The following COL4A2 variants were observed in gnomAD, a reference collection of about 807,000 sequenced individuals.
COL4A2 encodes the protein collagen alpha-2(IV) chain.
A neutral mutation model predicts 200.2 loss-of-function variants in COL4A2; 99 were observed. That is an observed-to-expected ratio of 0.49 (90% CI 0.42 to 0.58). The LOEUF (loss-of-function observed/expected upper bound fraction) is 0.58, where lower values mean the gene tolerates loss of function less well. Among genes scored for constraint, COL4A2 ranks in the 20% least tolerant of loss-of-function variants. The pLI, the probability that COL4A2 is intolerant of heterozygous loss-of-function variation, is 0.00. For synonymous variants in COL4A2, 897 were observed against 900.6 expected (o/e 1.00, Z 0.07); for missense variants, 1,950 against 2,314.1 (o/e 0.84, Z 3.23).
rs904388114 is a variant in COL4A2 at position 110,450,515 on chromosome 13, G to T, written c.1339+61G>T. On this transcript the variant is annotated intron_variant, in intron 20 of 47. Coordinates refer to ENST00000360467, the MANE Select transcript of COL4A2 (RefSeq NM_001846.4). ...AATGTTCAGATGAAGCCCGGTCCCA[G>T]CCGGATGTTATTTGGGATTCTCTGC... The T allele has an allele frequency of 3.4e-5, 54 of 1,584,316 alleles. No homozygotes were observed. The Admixed American group carries it at 9.3e-4, about 27-fold the overall frequency.
chr13:110,442,313 A>T (rs1241515942), intron 16 of COL4A2, among the ~76,000 whole-genome samples: 1 of 152,224 alleles, frequency 6.6e-6, no homozygotes, highest in Non-Finnish European at 1.5e-5. Context: ...TAAGTGGGTT[A>T]CAGGGAGGCA....
intron 4 of COL4A2, among the ~76,000 whole-genome samples, chr13:110,413,477 G>A (rs1488864931): frequency 6.6e-6 from 1 of 152,210 alleles, no homozygotes; most frequent in East Asian, 1.9e-4. Flanking sequence ...TGCCCCCAGA[G>A]AGCCCATGCT....
At position 110,421,753 on chromosome 13, in the gene COL4A2, C is replaced by T. The variant is rs577830545; in HGVS notation, c.181-2981C>T. Among the ~76,000 whole-genome samples, 3 of 152,298 alleles carry T rather than the reference C, an allele frequency of 2.0e-5. No homozygotes were observed. The South Asian group carries it at 6.2e-4, about 32-fold the overall frequency. The stretch of plus-strand genomic sequence containing the variant: ...CTTCAGTAAAAAGAAAAGTTTACAG[C>T]ATACTCCAGGAAAGGAAAGACTAGA... On this transcript the variant is annotated intron_variant, in intron 4 of 47. Coordinates refer to ENST00000360467, the MANE Select transcript of COL4A2 (RefSeq NM_001846.4).
At chr13:110,483,776 G>C (rs560317054) in intron 32 of COL4A2, among the ~76,000 whole-genome samples, 1 of 148,830 alleles carries the variant, frequency 6.7e-6, no homozygotes, top group African/African-American at 2.6e-5. Context: ...GAGAATTAGG[G>C]CATGGCTGCC....
chr13:110,485,364 A>G (rs1475942183), intron 33 of COL4A2, among the ~76,000 whole-genome samples: 1 of 152,066 alleles, frequency 6.6e-6, no homozygotes, highest in East Asian at 1.9e-4. Context: ...TCTACTAAAA[A>G]TACAAAAAAA....
At chr13:110,322,236 C>T (rs570439899) in intron 3 of COL4A2, among the ~76,000 whole-genome samples, 3 of 152,296 alleles carry the variant, frequency 2.0e-5, no homozygotes, top group South Asian at 2.1e-4. Context: ...GCCTGTCTCT[C>T]GGAGGCGGCC....
intron 39 of COL4A2, among the ~76,000 whole-genome samples, chr13:110,494,049 A>T (rs1883372977): frequency 7.1e-6 from 1 of 141,306 alleles, no homozygotes; most frequent in Non-Finnish European, 1.6e-5. Flanking sequence ...AGTCCATAGC[A>T]AGGTGAACCA....
intron 40 of COL4A2, among the ~76,000 whole-genome samples, chr13:110,495,905 C>G (rs140066251): frequency 1.3e-4 from 20 of 152,310 alleles, no homozygotes; most frequent in Middle Eastern, 3.4e-3. Context: ...TGCTCACCAG[C>G]CAAGGTGGGC....
At chr13:110,463,464 A>G (rs1882114093) in intron 24 of COL4A2, among the ~76,000 whole-genome samples, 1 of 152,110 alleles carries the variant, frequency 6.6e-6, no homozygotes, top group Non-Finnish European at 1.5e-5. Context: ...TGAAGTCATA[A>G]TCCTCTTTCT....
At chr13:110,350,796 CT>C (rs1428973687) in intron 3 of COL4A2, among the ~76,000 whole-genome samples, 15 of 152,220 alleles carry the variant, frequency 9.9e-5, no homozygotes. Context: ...CAGGGTGATG[CT>C]GATGGGCCCT....
intron 3 of COL4A2, among the ~76,000 whole-genome samples, chr13:110,334,484 T>C (rs1466592483): frequency 6.6e-6 from 1 of 152,214 alleles, no homozygotes; most frequent in Non-Finnish European, 1.5e-5. Flanking sequence ...TTCATGCTCA[T>C]TTCTACTAAA....
In COL4A2 at chr13:110,335,482, C is replaced by A. The variant is rs140063652; in HGVS notation, c.100-21990C>A. ...CTCTCTTGTCTGCCACCATGTAAGA[C>A]GTGCCTTTTGCCTTCTGCCATGATT... On this transcript the variant is annotated intron_variant, in intron 3 of 47. Coordinates refer to ENST00000360467, the MANE Select transcript of COL4A2 (RefSeq NM_001846.4). 1.7e-3 allele frequency among the ~76,000 whole-genome samples: 265 copies of A among 152,266 alleles called. 1 individual carries two copies. The highest frequency in any genetic ancestry group is 8.1e-3 in the East Asian group (42 of 5,170).
intron 4 of COL4A2, among the ~76,000 whole-genome samples, chr13:110,408,073 C>T (rs923209398): frequency 6.6e-6 from 1 of 152,178 alleles, no homozygotes; most frequent in Non-Finnish European, 1.5e-5. Context: ...AAGTATCCCA[C>T]CTCATGAGTT....
In COL4A2 at chr13:110,485,806, T is replaced by C. The variant is rs757220045; in HGVS notation, c.3177T>C (p.Ile1059=). Residue 1059 remains isoleucine, a synonymous_variant, in exon 34 of 48, where the codon ATT becomes ATC. Transcript: ENST00000360467. ...CTGGGGTGGCTGGCCCCCCTGGAAT[T>C]ACGGGATTCCCAGGATTCATAGGAA... The part of the protein sequence containing the change: ...GFPGVAGPPG[I]TGFPGFIGSR... The C allele has an allele frequency of 3.7e-6, 6 of 1,613,734 alleles. No individual in the cohort carries two copies. The highest frequency in any genetic ancestry group is 1.7e-5 in the Admixed American group (1 of 59,990).
chr13:110,343,287 G>A (rs917642968), intron 3 of COL4A2, among the ~76,000 whole-genome samples: 8 of 152,248 alleles, frequency 5.3e-5, no homozygotes, highest in East Asian at 1.9e-4. Flanking sequence ...GCGCCTGTCC[G>A]TACCCAGTGG....
At chr13:110,479,602 A>C (rs1403141621) in intron 30 of COL4A2, among the ~76,000 whole-genome samples, 2 of 152,178 alleles carry the variant, frequency 1.3e-5, no homozygotes, top group African/African-American at 4.8e-5. Context: ...AAGGAGTTGG[A>C]GCCCCGAGGC....
chr13:110,367,146 C>T (rs1228972663), intron 4 of COL4A2, among the ~76,000 whole-genome samples: 1 of 152,136 alleles, frequency 6.6e-6, no homozygotes, highest in Non-Finnish European at 1.5e-5. Flanking sequence ...CAGCTTCCTG[C>T]GAAGCCACTG....
In COL4A2 at chr13:110,393,779, G is replaced by A. The variant is rs1879083979; in HGVS notation, c.181-30955G>A. Among the ~76,000 whole-genome samples, 4 of 152,130 alleles carry A rather than the reference G, an allele frequency of 2.6e-5. No homozygotes were observed. The South Asian group carries it at 6.2e-4, about 24-fold the overall frequency. On this transcript the variant is annotated intron_variant, in intron 4 of 47. Coordinates refer to ENST00000360467, the MANE Select transcript of COL4A2 (RefSeq NM_001846.4). The stretch of plus-strand genomic sequence containing the variant: ...CTATAATCCCGGCTACTCAGGAGGC[G>A]GAAGCAAGAGAATCACTTGAATCTG...
intron 3 of COL4A2, among the ~76,000 whole-genome samples, chr13:110,315,897 C>T (rs1885118065): frequency 6.6e-6 from 1 of 152,114 alleles, no homozygotes. Flanking sequence ...GCAAGCAGAT[C>T]CTTTGGATGA....
Sources: gnomAD v4.1 joint callset for allele counts (sites outside exome capture counted in the v4.1 genomes callset) on GRCh38, gnomAD v4.1.1 for gene constraint, MANE v1.5 for transcripts, NCBI Gene and HGNC (gene_info 2026-07-23, HGNC 2026-07-21) for gene names.